COL5A1: variants seen among roughly 807,000 people sequenced by gnomAD.
COL5A1 encodes the protein collagen type V alpha 1 chain, also known as collagen alpha-1(V) chain.
A neutral mutation model predicts 263.7 loss-of-function variants in COL5A1; 16 were observed. The ratio of observed to expected loss-of-function variants is 0.06; its 90% confidence interval spans 0.04 to 0.09. The LOEUF (loss-of-function observed/expected upper bound fraction) is 0.09, where lower values mean the gene tolerates loss of function less well. Among genes scored for constraint, COL5A1 ranks in the 10% least tolerant of loss-of-function variants. The probability of loss-of-function intolerance (pLI) is 1.00; values close to 1 mark genes in which losing one functional copy is unlikely to be tolerated. For missense variants in COL5A1, 2,036 were observed against 2,540.5 expected, an observed-to-expected ratio of 0.80 and a Z score of 4.27; for synonymous variants, 1,012 against 1,004.5, an observed-to-expected ratio of 1.01 and a Z score of -0.14.
rs529217619 is a variant in COL5A1 at position 134,742,002 on chromosome 9, G to A, written c.1494+3194G>A. Among the ~76,000 whole-genome samples the A allele has an allele frequency of 7.2e-5, 11 of 152,112 alleles. No homozygotes were observed. The highest frequency in any genetic ancestry group is 4.2e-4 in the South Asian group (2 of 4,796). Reference sequence around the variant, plus strand: ...TCCCTGTGGGCAGCCGTGGGCAGCCGTGGCAATTGGCTGGGAGCCGTCTGT... The same window carrying A: ...TCCCTGTGGGCAGCCGTGGGCAGCCATGGCAATTGGCTGGGAGCCGTCTGT... On this transcript the variant is annotated intron_variant, in intron 11 of 65. Coordinates refer to ENST00000371817, the MANE Select transcript of COL5A1 (RefSeq NM_000093.5). The surrounding 1 kb of genome is among the most constrained non-coding windows in gnomAD (Gnocchi z 4.6).
intron 9 of COL5A1, among the ~76,000 whole-genome samples, chr9:134,737,382 G>A (rs1483725668): frequency 6.6e-6 from 1 of 152,230 alleles, no homozygotes; most frequent in Non-Finnish European, 1.5e-5. Context: ...AACGTGGGGA[G>A]CAGACACTTG....
chr9:134,811,475 C>T lies in COL5A1; in HGVS notation c.3583-17C>T, dbSNP rs753119530. On this transcript the variant is annotated splice_polypyrimidine_tract_variant and intron_variant, in intron 45 of 65. Transcript: ENST00000371817. Reference sequence around the variant, plus strand: ...CATTGCCAGCATCCTCACCCATGGCCGGTTATTTCCCTGCAGGGAGCTGAC... The same window carrying T: ...CATTGCCAGCATCCTCACCCATGGCTGGTTATTTCCCTGCAGGGAGCTGAC... 3.7e-6 allele frequency: 6 copies of T among 1,613,722 alleles called. No individual in the cohort carries two copies. Among genetic ancestry groups the T allele is most frequent in the Admixed American group, 3.3e-5 (2 of 59,996 alleles).
At chr9:134,684,085 C>T (rs113415161) in intron 1 of COL5A1, among the ~76,000 whole-genome samples, 10 of 152,184 alleles carry the variant, frequency 6.6e-5, no homozygotes, top group African/African-American at 2.2e-4. Flanking sequence ...GGTGGAGAAG[C>T]GTTCTTTCAT....
At chr9:134,839,935 G>A (rs1475303439) in intron 65 of COL5A1, among the ~76,000 whole-genome samples, 1 of 152,246 alleles carries the variant, frequency 6.6e-6, no homozygotes, top group Non-Finnish European at 1.5e-5. Flanking sequence ...TCCCAGCTGT[G>A]TTCTGCAGGG....
chr9:134,709,729 C>A (rs1210320531), intron 4 of COL5A1, among the ~76,000 whole-genome samples: 1 of 152,220 alleles, frequency 6.6e-6, no homozygotes, highest in African/African-American at 2.4e-5. Context: ...CATCTCCCAG[C>A]CCAGACAGGA....
intron 1 of COL5A1, among the ~76,000 whole-genome samples, chr9:134,643,187 G>A (rs1418728693): frequency 6.6e-6 from 1 of 152,130 alleles, no homozygotes; most frequent in Non-Finnish European, 1.5e-5. Flanking sequence ...TCCTGACGGG[G>A]GAGTTTTTCT....
intron 28 of COL5A1, among the ~76,000 whole-genome samples, chr9:134,781,725 C>T (rs1247926893): frequency 1.3e-5 from 2 of 152,156 alleles, no homozygotes; most frequent in Non-Finnish European, 2.9e-5. Context: ...TGGACTTCTG[C>T]ATTATTTGTG....
At chr9:134,747,921 GCATTCATA>G (rs1835607933) in intron 11 of COL5A1, among the ~76,000 whole-genome samples, 1 of 125,074 alleles carries the variant, frequency 8.0e-6, no homozygotes, top group Non-Finnish European at 1.7e-5. Context: ...ATGCACACAT[GCATTCATA>G]CACACATGCA....
chr9:134,802,474 C>T (rs961789706), intron 38 of COL5A1, among the ~76,000 whole-genome samples: 4 of 152,236 alleles, frequency 2.6e-5, no homozygotes, highest in Non-Finnish European at 5.9e-5. Context: ...AGAAAGCGCA[C>T]ACCTCATGTA....
chr9:134,654,656 T>TG (rs1226688793), intron 1 of COL5A1, among the ~76,000 whole-genome samples: 1 of 89,888 alleles, frequency 1.1e-5, no homozygotes, highest in Non-Finnish European at 2.2e-5. Context: ...TGTGTAGGGC[T>TG]GGTGTGTGTA....
At chr9:134,708,841 C>T (rs3128588) in intron 4 of COL5A1, 331,861 of 456,496 alleles carry the variant, frequency 0.73, 121,957 homozygotes, top group Admixed American at 0.83. Context: ...TGGGCGGGGC[C>T]GTGCTCCCTC....
intron 4 of COL5A1, among the ~76,000 whole-genome samples, chr9:134,722,697 G>A (rs187320030): frequency 1.5e-3 from 235 of 152,354 alleles, no homozygotes; most frequent in Admixed American, 2.5e-3. Context: ...TGGATGAAAT[G>A]TGATCCAGAA....
In COL5A1 at chr9:134,657,089, T is replaced by G. The variant is rs1029792301; in HGVS notation, c.109+14793T>G. 1.9e-3 allele frequency among the ~76,000 whole-genome samples: 68 copies of G among 36,088 alleles called. 4 individuals carry two copies. The highest frequency in any genetic ancestry group is 2.4e-3 in the Non-Finnish European group (45 of 18,790). The allele number at this position is 36,088 out of a possible 152,430, so 23.7% of individuals were successfully genotyped here. A position where few individuals can be genotyped will look rare whatever the true frequency, so the allele number is the denominator to read the frequency against. On this transcript the variant is annotated intron_variant, in intron 1 of 65. Transcript: ENST00000371817. ...CAGGGGGTGTAGTTAATAGATAATA[T>G]GGGGGTCAGGGCGGGGGTGCAGTTT...
chr9:134,693,157 C>A (rs4077962), intron 2 of COL5A1, among the ~76,000 whole-genome samples: 17,045 of 152,134 alleles, frequency 0.11, 998 homozygotes, highest in Middle Eastern at 0.2. Context: ...TCAGCAGGGA[C>A]CCCATCCCTG....
intron 16 of COL5A1, among the ~76,000 whole-genome samples, chr9:134,756,283 G>T (rs1417367854): frequency 6.6e-6 from 1 of 152,202 alleles, no homozygotes; most frequent in Non-Finnish European, 1.5e-5. Context: ...GCCTCACTTG[G>T]GGCCTGGGCC....
chr9:134,811,476 G>T lies in COL5A1; in HGVS notation c.3583-16G>T, dbSNP rs758628746. 6.2e-7 allele frequency: 1 copy of T among 1,613,722 alleles called. No individual in the cohort carries two copies. The highest frequency in any genetic ancestry group is 8.5e-7 in the Non-Finnish European group (1 of 1,179,742). ...ATTGCCAGCATCCTCACCCATGGCC[G>T]GTTATTTCCCTGCAGGGAGCTGACG... On this transcript the variant is annotated splice_polypyrimidine_tract_variant and intron_variant, in intron 45 of 65. Transcript: ENST00000371817.
At chr9:134,688,764 G>T (rs989124511) in intron 1 of COL5A1, among the ~76,000 whole-genome samples, 1 of 152,168 alleles carries the variant, frequency 6.6e-6, no homozygotes, top group African/African-American at 2.4e-5. Context: ...GATTTAATTG[G>T]CAGAGGACTG....
chr9:134,713,053 C>T (rs938003643), intron 4 of COL5A1, among the ~76,000 whole-genome samples: 12 of 152,242 alleles, frequency 7.9e-5, no homozygotes, highest in Admixed American at 3.3e-4. Context: ...GGCTGCCTGC[C>T]GTCCATGCCT....
rs4842167 is a variant in COL5A1 at position 134,795,468 on chromosome 9, C to T, written c.2799+153C>T. The stretch of plus-strand genomic sequence containing the variant: ...TAGGTGTGTTTAAGAAGCTTGTCCC[C>T]TCCAGCAGCCTCTGGATGCCTCAGA... On this transcript the variant is annotated intron_variant, in intron 34 of 65. Transcript: ENST00000371817. 0.66 allele frequency among the ~76,000 whole-genome samples: 99,728 copies of T among 151,636 alleles called. 33,957 individuals are homozygous for T. Among genetic ancestry groups the T allele is most frequent in the African/African-American group, 0.84 (34,799 of 41,364 alleles).
Sources: gnomAD v4.1 joint callset for allele counts (sites outside exome capture counted in the v4.1 genomes callset) on GRCh38, gnomAD v4.1.1 for gene constraint, Gnocchi (gnomAD v3.1) non-coding constraint, MANE v1.5 for transcripts, NCBI Gene and HGNC (gene_info 2026-07-23, HGNC 2026-07-21) for gene names.